SCML2: variants seen among roughly 807,000 people sequenced by gnomAD.
SCML2 encodes the protein sex comb on midleg-like protein 2.
Under a neutral mutation model 48.4 loss-of-function variants are expected in SCML2, and 6 were observed. The ratio of observed to expected loss-of-function variants is 0.12; its 90% CI spans 0.07 to 0.24. The LOEUF is 0.24. Ranked by LOEUF, SCML2 falls within the 10% of genes least tolerant of loss-of-function variation. The probability of loss-of-function intolerance (pLI) is 1.00; values close to 1 mark genes in which losing one functional copy is unlikely to be tolerated. For missense variants in SCML2, 377 were observed against 528.2 expected (o/e 0.71, Z 2.81); for synonymous variants, 181 against 189.5 (o/e 0.95, Z 0.37).
intron 3 of SCML2, among the ~76,000 whole-genome samples, chrX:18,326,371 T>A (rs1322015878): frequency 1.8e-5 from 2 of 111,430 alleles, no homozygotes; most frequent in East Asian, 5.6e-4. Context: ...AAATCATGCA[T>A]CAGAGAGAGT....
chrX:18,310,034 T>C (rs1928897172), intron 6 of SCML2, among the ~76,000 whole-genome samples: 1 of 111,733 alleles, frequency 8.9e-6, no homozygotes, highest in Admixed American at 9.5e-5. Flanking sequence ...AATGAAATCC[T>C]GTCAATGCAG....
At chrX:18,282,117 C>A (rs1426018998) in intron 7 of SCML2, among the ~76,000 whole-genome samples, 1 of 109,737 alleles carries the variant, frequency 9.1e-6, no homozygotes, top group Non-Finnish European at 1.9e-5. Flanking sequence ...GAGTGAAATT[C>A]CGTCTCAAAA....
chrX:18,314,272 A>T (rs1244982673), intron 6 of SCML2, among the ~76,000 whole-genome samples: 1 of 111,363 alleles, frequency 9.0e-6, no homozygotes, highest in African/African-American at 3.3e-5. Flanking sequence ...ATTCAATGAC[A>T]CTGGCTTATT....
intron 7 of SCML2, among the ~76,000 whole-genome samples, chrX:18,281,997 C>G (rs1380417770): frequency 9.1e-6 from 1 of 109,775 alleles, no homozygotes; most frequent in East Asian, 2.9e-4. Flanking sequence ...GTGGCGTGCA[C>G]CTGTAATCCC....
At chrX:18,297,957 C>T (rs764370566) in intron 7 of SCML2, among the ~76,000 whole-genome samples, 4 of 111,215 alleles carry the variant, frequency 3.6e-5, no homozygotes, top group South Asian at 3.8e-4. Context: ...TGTATTGAGC[C>T]GTGATCATGC....
chrX:18,343,128 CTTTTTTA>C (rs1269182076), intron 1 of SCML2, among the ~76,000 whole-genome samples: 1 of 107,995 alleles, frequency 9.3e-6, no homozygotes, highest in African/African-American at 3.4e-5. Context: ...TTTCTTTTCT[CTTTTTTA>C]TTTTTTATTT....
chrX:18,312,465 T>G (rs1928982143), intron 6 of SCML2, among the ~76,000 whole-genome samples: 1 of 111,538 alleles, frequency 9.0e-6, no homozygotes, highest in Admixed American at 9.6e-5. Flanking sequence ...CCTAATAGAA[T>G]ATAAATGGTA....
chrX:18,279,827 AT>A (rs1302754853), intron 7 of SCML2, among the ~76,000 whole-genome samples: 2 of 112,231 alleles, frequency 1.8e-5, no homozygotes, highest in Non-Finnish European at 3.8e-5. Flanking sequence ...AGAAAAAATG[AT>A]TTTTAAAAAC....
At chrX:18,252,294 C>A (rs935171970) in intron 11 of SCML2, among the ~76,000 whole-genome samples, 2 of 112,402 alleles carry the variant, frequency 1.8e-5, no homozygotes, top group African/African-American at 6.5e-5. Context: ...AACAAACAAA[C>A]AACAAAACAC....
rs368286831 is a variant in SCML2, at chrX:18,326,679, C to CA, written c.92-1703dup. Among the ~76,000 whole-genome samples, 277 of 57,681 alleles carry CA rather than the reference C, an allele frequency of 4.8e-3. 2 individuals are homozygous for CA. Among genetic ancestry groups the CA allele is most frequent in the South Asian group, 0.01 (11 of 1,082 alleles). The allele number at this position is 57,681 out of a possible 115,157, so 50.1% of individuals were successfully genotyped here. ...TGGGCAACAGAACAAGACTCCATCT[C>CA]AAAAAAAAAAAAAAAAAAGAATGTG... is the stretch of plus-strand genomic sequence containing the variant. On this transcript the variant is annotated intron_variant, in intron 3 of 14. Transcript: ENST00000251900.
At chrX:18,286,713 A>C (rs1017548896) in intron 7 of SCML2, among the ~76,000 whole-genome samples, 2 of 110,609 alleles carry the variant, frequency 1.8e-5, no homozygotes, top group Admixed American at 1.9e-4. Context: ...AACTTCTCTG[A>C]GATACTACTT....
At chrX:18,346,864 G>A (rs1930215652) in intron 1 of SCML2, among the ~76,000 whole-genome samples, 1 of 111,532 alleles carries the variant, frequency 9.0e-6, no homozygotes, top group Admixed American at 9.6e-5. Context: ...CTTTGACCAA[G>A]AGAAGCTCTC....
intron 11 of SCML2, among the ~76,000 whole-genome samples, chrX:18,255,410 A>G (rs1319494562): frequency 8.9e-6 from 1 of 112,306 alleles, no homozygotes; most frequent in African/African-American, 3.2e-5. Context: ...TTACAAGGCC[A>G]GGATTGGAAC....
intron 5 of SCML2, among the ~76,000 whole-genome samples, chrX:18,321,955 G>A (rs1182185816): frequency 9.0e-6 from 1 of 111,599 alleles, no homozygotes; most frequent in Non-Finnish European, 1.9e-5. Context: ...TTATCAGCAG[G>A]AGCAGGTCTT....
chrX:18,338,332 T>TA (rs1337887765), intron 1 of SCML2, among the ~76,000 whole-genome samples: 1 of 107,423 alleles, frequency 9.3e-6, no homozygotes, highest in Non-Finnish European at 1.9e-5. Context: ...TAGTCCCAGG[T>TA]ACTCGGGAGG....
At chrX:18,242,765 A>G (rs1159529472) in intron 13 of SCML2, among the ~76,000 whole-genome samples, 175 bp from the exon 14 acceptor site, 1 of 111,879 alleles carries the variant, frequency 8.9e-6, no homozygotes, top group Non-Finnish European at 1.9e-5. Context: ...GGATGGCTAC[A>G]TAAGAGCATC....
intron 13 of SCML2, among the ~76,000 whole-genome samples, chrX:18,243,651 G>A (rs780097540): frequency 9.0e-6 from 1 of 111,635 alleles, no homozygotes; most frequent in African/African-American, 3.2e-5. Context: ...CATAGTAATA[G>A]ATATTTTGGT....
chrX:18,262,917 T>G (rs890078742), intron 8 of SCML2, among the ~76,000 whole-genome samples: 11 of 107,017 alleles, frequency 1.0e-4, no homozygotes, highest in African/African-American at 4.1e-4. Flanking sequence ...GGTTTTGCCA[T>G]GTTGCCCAGG....
At chrX:18,295,720 G>C (rs1928374631) in intron 7 of SCML2, among the ~76,000 whole-genome samples, 1 of 109,369 alleles carries the variant, frequency 9.1e-6, no homozygotes, top group Non-Finnish European at 1.9e-5. Context: ...CCAAGAACAG[G>C]CACGCTCGGC....
Sources: gnomAD v4.1 joint callset for allele counts (sites outside exome capture counted in the v4.1 genomes callset) on GRCh38, gnomAD v4.1.1 for gene constraint, MANE v1.5 for transcripts, NCBI Gene and HGNC (gene_info 2026-07-23, HGNC 2026-07-21) for gene names.